Variants in STX3 observed in about 807,000 individuals in gnomAD.
STX3 encodes the protein syntaxin-3.
In STX3, 19 loss-of-function variants were observed where a neutral mutation model predicts 40.2. The observed-to-expected ratio is 0.47, with a 90% CI of 0.33 to 0.69. The LOEUF is 0.69. Ranked by LOEUF, STX3 falls within the 30% of genes least tolerant of loss-of-function variation. The probability of loss-of-function intolerance (pLI) is 0.02; values close to 1 mark genes in which losing one functional copy is unlikely to be tolerated. For synonymous variants in STX3, 122 were observed against 132.2 expected, an observed-to-expected ratio of 0.92 and a Z score of 0.53; for missense variants, 364 against 366.7, an observed-to-expected ratio of 0.99 and a Z score of 0.06.
intron 2 of STX3, among the ~76,000 whole-genome samples, chr11:59,786,248 T>C (rs1294778567): frequency 6.7e-6 from 1 of 149,818 alleles, no homozygotes; most frequent in Non-Finnish European, 1.5e-5. Flanking sequence ...TCTTTCTTTT[T>C]TTTTTTTTTT....
intron 2 of STX3, chr11:59,781,812 C>G: frequency 1.6e-6 from 2 of 1,235,322 alleles, no homozygotes; most frequent in East Asian, 2.5e-5. Flanking sequence ...CTGAGCAGCT[C>G]TAATATGAAG....
At chr11:59,799,338 A>G (rs1410912319) in intron 10 of STX3, among the ~76,000 whole-genome samples, 2 of 152,238 alleles carry the variant, frequency 1.3e-5, no homozygotes, top group African/African-American at 2.4e-5. Flanking sequence ...ATAGTTTTAC[A>G]TAGTTCAGAC....
chr11:59,783,595 C>A (rs1340193999), intron 2 of STX3, among the ~76,000 whole-genome samples: 1 of 152,132 alleles, frequency 6.6e-6, no homozygotes, highest in Middle Eastern at 3.2e-3. Context: ...CATGCAATAG[C>A]CCTTAAACTT....
intron 9 of STX3, among the ~76,000 whole-genome samples, chr11:59,796,117 A>G (rs562686728): frequency 3.3e-5 from 5 of 152,220 alleles, no homozygotes; most frequent in African/African-American, 1.2e-4. Context: ...CCTTGTACCT[A>G]GCTCATGCTA....
intron 2 of STX3, among the ~76,000 whole-genome samples, chr11:59,778,930 T>C (rs1370791541): frequency 1.3e-5 from 2 of 149,632 alleles, no homozygotes; most frequent in Non-Finnish European, 3.0e-5. Context: ...CGCCTCCTCC[T>C]GGGTTCAAGC....
chr11:59,775,951 T>C (rs1175826651), intron 2 of STX3, among the ~76,000 whole-genome samples: 1 of 152,234 alleles, frequency 6.6e-6, no homozygotes, highest in African/African-American at 2.4e-5. Context: ...TGCCACTAAC[T>C]GTGTGATCTT....
At chr11:59,778,330 A>G (rs1864116284) in intron 2 of STX3, among the ~76,000 whole-genome samples, 1 of 152,128 alleles carries the variant, frequency 6.6e-6, no homozygotes, top group South Asian at 2.1e-4. Context: ...CAGAGAGGAA[A>G]ACTGCCCAGA....
rs57385150 is a variant in STX3, at chr11:59,786,247, T to C, written c.115-790T>C. Among the ~76,000 whole-genome samples, 64 of 149,366 alleles carry C rather than the reference T, an allele frequency of 4.3e-4. No individual in the cohort carries two copies. In the South Asian group the frequency reaches 8.0e-3, roughly 19 times the overall value. Reference sequence around the variant, plus strand: ...TCTTTATCTGTTTCTTTCTTTCTTTTTTTTTTTTTTTTGAGGCAGTCTCGC... The same window carrying C: ...TCTTTATCTGTTTCTTTCTTTCTTTCTTTTTTTTTTTTGAGGCAGTCTCGC... On this transcript the variant is annotated intron_variant, in intron 2 of 10. Transcript: ENST00000337979.
At chr11:59,787,895 A>AT (rs1864879255) in intron 3 of STX3, among the ~76,000 whole-genome samples, 1 of 151,912 alleles carries the variant, frequency 6.6e-6, no homozygotes, top group Non-Finnish European at 1.5e-5. Context: ...CCACTCTTTC[A>AT]TTTTTCCCAT....
chr11:59,755,479 C>T lies in STX3; in HGVS notation c.-127C>T, dbSNP rs1862655511. 2 of 1,227,294 alleles carry T rather than the reference C, an allele frequency of 1.6e-6. No individual in the cohort carries two copies. Among genetic ancestry groups the T allele is most frequent in the Non-Finnish European group, 2.1e-6 (2 of 942,310 alleles). The allele number at this position is 1,227,294 out of a possible 1,614,324, so 76.0% of individuals were successfully genotyped here. ...AGCTAGCGGCCGCCGCCCGCCGCCG[C>T]CTGCGCCTCCAGCTCCTTCGCCCCG... On this transcript the variant is annotated 5_prime_UTR_variant, in exon 1 of 11. Coordinates refer to ENST00000337979, the MANE Select transcript of STX3 (RefSeq NM_004177.5).
chr11:59,793,658 C>A, intron 8 of STX3, 144 bp downstream of exon 8: 2 of 1,182,090 alleles, frequency 1.7e-6, no homozygotes, highest in East Asian at 2.5e-5. Flanking sequence ...AACAGAATCC[C>A]ATGGGAAAGT....
At position 59,800,285 on chromosome 11, in the gene STX3, A is replaced by G. The variant is rs12277752; in HGVS notation, c.*31-570A>G. 3.7e-3 allele frequency: 3,655 copies of G among 985,302 alleles called. 114 individuals are homozygous for G. The African/African-American group carries it at 0.06, about 16-fold the overall frequency. The allele number at this position is 985,302 out of a possible 1,614,324, so 61.0% of individuals were successfully genotyped here. A position where few individuals can be genotyped will look rare whatever the true frequency, so the allele number is the denominator to read the frequency against. Reference sequence around the variant, plus strand: ...ACAGGAGGGTAGACAGTGTGTTTATATTTCCTAGTAATGTGCCAGCTGCTT... The same window carrying G: ...ACAGGAGGGTAGACAGTGTGTTTATGTTTCCTAGTAATGTGCCAGCTGCTT... On this transcript the variant is annotated intron_variant, in intron 10 of 10. Coordinates refer to ENST00000337979, the MANE Select transcript of STX3 (RefSeq NM_004177.5).
At chr11:59,763,331 A>G (rs1257702062) in intron 1 of STX3, among the ~76,000 whole-genome samples, 2 of 152,176 alleles carry the variant, frequency 1.3e-5, no homozygotes, top group Non-Finnish European at 2.9e-5. Context: ...GTTAGTGTAC[A>G]TAACATCTAC....
At chr11:59,787,337 C>T (rs1864843126) in intron 3 of STX3, among the ~76,000 whole-genome samples, 1 of 152,136 alleles carries the variant, frequency 6.6e-6, no homozygotes, top group Non-Finnish European at 1.5e-5. Flanking sequence ...TCTTCATGGT[C>T]CCACTCCAAC....
chr11:59,765,460 C>T (rs2134883379), intron 1 of STX3, among the ~76,000 whole-genome samples: 1 of 152,086 alleles, frequency 6.6e-6, no homozygotes, highest in East Asian at 1.9e-4. Flanking sequence ...ATCCCCAGAC[C>T]CTCATTTGGA....
chr11:59,792,038 G>A (rs1865204420), intron 5 of STX3, 69 bp from the exon 6 acceptor site: 1 of 1,210,404 alleles, frequency 8.3e-7, no homozygotes, highest in Non-Finnish European at 1.2e-6. Flanking sequence ...GGCTATGTGG[G>A]GGTGGGGAGG....
chr11:59,777,165 G>A (rs1000785381), intron 2 of STX3, among the ~76,000 whole-genome samples: 11 of 152,200 alleles, frequency 7.2e-5, no homozygotes, highest in Non-Finnish European at 1.5e-4. Flanking sequence ...AAGGTACCAT[G>A]GGAGCACAGA....
intron 1 of STX3, among the ~76,000 whole-genome samples, chr11:59,769,548 CTT>C (rs1238522192): frequency 6.6e-6 from 1 of 152,160 alleles, no homozygotes; most frequent in Admixed American, 6.5e-5. Flanking sequence ...CTAGGTTTCT[CTT>C]TGCCCGTTTC....
In STX3 at chr11:59,804,066, T is replaced by C. The variant is rs1021227144; in HGVS notation, c.*3242T>C. On this transcript the variant is annotated 3_prime_UTR_variant, in exon 11 of 11. Coordinates refer to ENST00000337979, the MANE Select transcript of STX3 (RefSeq NM_004177.5). ...ACAGATACATAGCTGATTAGGCAGA[T>C]GGTTTAAAGGAGGACTGCAGGGTAG... 2.0e-5 allele frequency: 3 copies of C among 152,284 alleles called. No homozygotes were observed. Among genetic ancestry groups the C allele is most frequent in the Admixed American group, 6.5e-5 (1 of 15,280 alleles). The allele number at this position is 152,284 out of a possible 1,614,324, so 9.4% of individuals were successfully genotyped here.
Sources: allele counts gnomAD v4.1 joint callset (sites outside exome capture counted in the v4.1 genomes callset), GRCh38; gene constraint gnomAD v4.1.1; transcripts MANE v1.5; gene names NCBI Gene and HGNC (gene_info 2026-07-23, HGNC 2026-07-21).